RCOR1: variants seen among roughly 807,000 people sequenced by gnomAD.
RCOR1 encodes REST corepressor 1.
RCOR1 carries 12 observed loss-of-function variants against 64.0 expected under a neutral mutation model. The observed-to-expected ratio is 0.19, with a 90% confidence interval of 0.12 to 0.30. The LOEUF (loss-of-function observed/expected upper bound fraction) is 0.30. RCOR1 is among the 10% of genes least tolerant of loss of function. The pLI is 1.00. For missense variants in RCOR1, 502 were observed against 621.2 expected, an observed-to-expected ratio of 0.81 and a Z score of 2.04; for synonymous variants, 279 against 227.2, an observed-to-expected ratio of 1.23 and a Z score of -2.05.
chr14:102,634,562 C>CT (rs1894191677), intron 2 of RCOR1, among the ~76,000 whole-genome samples: 1 of 151,360 alleles, frequency 6.6e-6, no homozygotes, highest in Admixed American at 6.6e-5. Context: ...CAAATAAATA[C>CT]TAAGTTTTTT....
intron 7 of RCOR1, among the ~76,000 whole-genome samples, chr14:102,712,949 T>G (rs927852577): frequency 1.6e-5 from 1 of 62,140 alleles, no homozygotes; most frequent in African/African-American, 1.6e-4. Flanking sequence ...AAATCATTGT[T>G]TTTTTTTTTT....
chr14:102,605,069 A>C (rs1893478363), intron 2 of RCOR1, among the ~76,000 whole-genome samples: 1 of 8,846 alleles, frequency 1.1e-4, no homozygotes, highest in Non-Finnish European at 3.8e-4. Flanking sequence ...TTCCATCTCA[A>C]AAAAAAAAAA....
intron 2 of RCOR1, among the ~76,000 whole-genome samples, chr14:102,628,730 T>G (rs541095367): frequency 6.6e-6 from 1 of 152,216 alleles, no homozygotes; most frequent in East Asian, 1.9e-4. Context: ...ATTTTTGTAT[T>G]TTTAGTAGAG....
intron 2 of RCOR1, among the ~76,000 whole-genome samples, chr14:102,660,052 T>G (rs559338428): frequency 9.8e-5 from 15 of 152,312 alleles, no homozygotes; most frequent in African/African-American, 3.1e-4. Context: ...TTTAATTCTG[T>G]CACTATGAGG....
intron 3 of RCOR1, among the ~76,000 whole-genome samples, chr14:102,689,019 C>T (rs946288941): frequency 6.6e-6 from 1 of 152,204 alleles, no homozygotes; most frequent in Admixed American, 6.5e-5. Context: ...CACTGCACTG[C>T]GCAGTGTACT....
At chr14:102,662,698 T>C (rs568958398) in intron 2 of RCOR1, 8 of 438,222 alleles carry the variant, frequency 1.8e-5, no homozygotes, top group African/African-American at 1.2e-4. Flanking sequence ...CTTCTTTGCT[T>C]TCGGTGCCAT....
intron 2 of RCOR1, among the ~76,000 whole-genome samples, chr14:102,629,730 T>G (rs901468544): frequency 6.6e-6 from 1 of 152,186 alleles, no homozygotes; most frequent in African/African-American, 2.4e-5. Context: ...TGCTTCTAGC[T>G]CCACGTGTGT....
In RCOR1 at chr14:102,592,968, G is replaced by C. The variant is rs1181002206; in HGVS notation, c.82G>C (p.Ala28Pro). ...RNNAAASASA[A>P]AASAAASAAC... ...CAACGCGGCCGCCTCCGCCTCCGCC[G>C]CCGCCGCCTCCGCCGCCGCCTCGGC... The change falls in exon 1 of 12, where the codon GCC becomes CCC. Residue 28 changes from alanine (A) to proline (P), a missense_variant. Coordinates refer to ENST00000262241, the MANE Select transcript of RCOR1 (RefSeq NM_015156.4). 2 of 1,158,838 alleles carry C rather than the reference G, an allele frequency of 1.7e-6. No individual in the cohort carries two copies. Among genetic ancestry groups the C allele is most frequent in the Non-Finnish European group, 2.1e-6 (2 of 937,474 alleles). The allele number at this position is 1,158,838 out of a possible 1,614,324, so 71.8% of individuals were successfully genotyped here.
chr14:102,684,585 A>G (rs531659772), intron 3 of RCOR1, among the ~76,000 whole-genome samples: 28 of 152,340 alleles, frequency 1.8e-4, no homozygotes, highest in African/African-American at 5.5e-4. Flanking sequence ...GAAAAAAACA[A>G]AACAAACACT....
At chr14:102,671,847 T>C (rs1895037527) in intron 2 of RCOR1, among the ~76,000 whole-genome samples, 1 of 152,212 alleles carries the variant, frequency 6.6e-6, no homozygotes, top group Non-Finnish European at 1.5e-5. Context: ...TGGCACCCTG[T>C]TATTTCAAAT....
At chr14:102,710,182 G>A (rs1895930515) in intron 6 of RCOR1, among the ~76,000 whole-genome samples, 1 of 152,234 alleles carries the variant, frequency 6.6e-6, no homozygotes, top group South Asian at 2.1e-4. Context: ...GTGGCGCGTA[G>A]TGGGCATGGT....
intron 2 of RCOR1, chr14:102,659,092 A>G (rs1237624559): frequency 1.0e-6 from 1 of 981,850 alleles, no homozygotes; most frequent in Non-Finnish European, 1.2e-6. Context: ...CCCACGAGGA[A>G]GCTGCTTTTT....
intron 2 of RCOR1, among the ~76,000 whole-genome samples, chr14:102,645,715 A>T (rs1046736655): frequency 2.0e-5 from 3 of 152,148 alleles, no homozygotes. Context: ...AAAGTTAGTG[A>T]CTTAAAATAA....
intron 2 of RCOR1, among the ~76,000 whole-genome samples, chr14:102,650,605 A>G (rs568490118): frequency 3.3e-5 from 5 of 152,330 alleles, no homozygotes; most frequent in African/African-American, 1.2e-4. Context: ...CAGACGTGAA[A>G]GTTGTAGACA....
chr14:102,614,349 C>T (rs1305297202), intron 2 of RCOR1, among the ~76,000 whole-genome samples: 5 of 151,784 alleles, frequency 3.3e-5, no homozygotes, highest in East Asian at 1.9e-4. Context: ...CTCAGCCCCC[C>T]GAGTAGCTGG....
At chr14:102,677,344 C>G (rs1362163900) in intron 2 of RCOR1, among the ~76,000 whole-genome samples, 1 of 141,390 alleles carries the variant, frequency 7.1e-6, no homozygotes, top group Non-Finnish European at 1.5e-5. Flanking sequence ...GGCTGACCCC[C>G]CCCCCACCTC....
At chr14:102,662,706 C>T (rs1894849118) in intron 2 of RCOR1, 1 of 432,942 alleles carries the variant, frequency 2.3e-6, no homozygotes, top group Non-Finnish European at 4.4e-6. Flanking sequence ...CTTTCGGTGC[C>T]ATCTTGTGAA....
intron 2 of RCOR1, among the ~76,000 whole-genome samples, chr14:102,628,882 G>A (rs982026653): frequency 2.0e-5 from 3 of 149,960 alleles, no homozygotes; most frequent in Non-Finnish European, 4.4e-5. Flanking sequence ...AGTCAGAGGT[G>A]CCAACTTGCT....
At position 102,723,043 on chromosome 14, in the gene RCOR1, C is replaced by T. The variant is rs1400962389; in HGVS notation, c.1419+627C>T. On this transcript the variant is annotated intron_variant, in intron 11 of 11. Transcript: ENST00000262241. Reference sequence around the variant, plus strand: ...GTGTCAGGGGCACCTGCCATTTCCCCATCTAGCCTGGCCTGCCTTGCTGTT... The same window carrying T: ...GTGTCAGGGGCACCTGCCATTTCCCTATCTAGCCTGGCCTGCCTTGCTGTT... Among the ~76,000 whole-genome samples the T allele has an allele frequency of 2.6e-5, 4 of 152,350 alleles. No homozygotes were observed. In the East Asian group the frequency reaches 5.8e-4, roughly 22 times the overall value.
Sources: gnomAD v4.1 joint callset for allele counts (sites outside exome capture counted in the v4.1 genomes callset) on GRCh38, gnomAD v4.1.1 for gene constraint, MANE v1.5 for transcripts, NCBI Gene and HGNC (gene_info 2026-07-23, HGNC 2026-07-21) for gene names.